EVC: variants seen among roughly 807,000 people sequenced by gnomAD.
The protein encoded by EVC is EvC ciliary complex subunit 1.
EVC carries 116 observed loss-of-function variants against 118.9 expected under a neutral mutation model. The observed-to-expected ratio is 0.98, with a 90% CI of 0.84 to 1.14. The LOEUF is 1.14. Ranked by LOEUF, EVC falls within the 50% of genes most tolerant of loss-of-function variation. The probability of loss-of-function intolerance (pLI) is 0.00; values close to 1 mark genes in which losing one functional copy is unlikely to be tolerated. For missense variants in EVC, 1,401 were observed against 1,246.4 expected (o/e 1.12, Z -1.87); for synonymous variants, 619 against 534.7 (o/e 1.16, Z -2.18).
intron 18 of EVC, among the ~76,000 whole-genome samples, chr4:5,808,666 G>A (rs1716405349): frequency 6.6e-6 from 1 of 152,206 alleles, no homozygotes; most frequent in East Asian, 1.9e-4. Flanking sequence ...CCGGTGTAAT[G>A]GTGACCTCTG....
intron 11 of EVC, among the ~76,000 whole-genome samples, chr4:5,759,611 G>C (rs575983108): frequency 3.3e-4 from 51 of 152,276 alleles, no homozygotes; most frequent in African/African-American, 1.1e-3. Flanking sequence ...CTGTGCATCA[G>C]AATGTCATCA....
chr4:5,737,796 G>C lies in EVC; in HGVS notation c.703-3920G>C, dbSNP rs1727929699. On this transcript the variant is annotated intron_variant, in intron 5 of 20. Coordinates refer to ENST00000264956, the MANE Select transcript of EVC (RefSeq NM_153717.3). The surrounding 1 kb of genome is among the most constrained non-coding windows in gnomAD (Gnocchi z 5.0). ...CTGGTCACCCGAGAGCTCTGATGAAGATGTACAAGGAAGTTAATGTCATTT... is the reference window on the plus strand; with the variant it reads ...CTGGTCACCCGAGAGCTCTGATGAACATGTACAAGGAAGTTAATGTCATTT... Among the ~76,000 whole-genome samples the C allele has an allele frequency of 2.6e-5, 4 of 152,172 alleles. No individual in the cohort carries two copies. Among genetic ancestry groups the C allele is most frequent in the Admixed American group, 2.0e-4 (3 of 15,278 alleles).
rs772185282 is a variant in EVC, at chr4:5,748,291, G to C, written c.1083G>C (p.Gln361His). ...CCGAAGGGCTATTGTGCGATTCTCA[G>C]GAGCTGCAGGCTCTGGTAATGCTGG... is the stretch of plus-strand genomic sequence containing the variant. ...IAAEGLLCDS[Q>H]ELQALDALER... Residue 361 changes from glutamine to histidine, a missense_variant, in exon 8 of 21, where the codon CAG becomes CAC. By Grantham distance (24) the Gln-to-His change is conservative. Coordinates refer to ENST00000264956, the MANE Select transcript of EVC (RefSeq NM_153717.3). 1.2e-6 allele frequency: 2 copies of C among 1,614,144 alleles called. No homozygotes were observed. The highest frequency in any genetic ancestry group is 2.2e-5 in the South Asian group (2 of 91,084).
rs951334006 is a variant in EVC at position 5,729,381 on chromosome 4, G to A, written c.375G>A (p.Gln125=). The A allele has an allele frequency of 5.7e-5, 92 of 1,613,962 alleles. No individual in the cohort carries two copies. Among genetic ancestry groups the A allele is most frequent in the Non-Finnish European group, 7.4e-5 (87 of 1,180,016 alleles). Residue 125 remains glutamine, a synonymous_variant, in exon 3 of 21, where the codon CAG becomes CAA. Coordinates refer to ENST00000264956, the MANE Select transcript of EVC (RefSeq NM_153717.3). ...LKAKVIYPIN[Q]KFRPLADGSS... ...CCAAAGTCATCTACCCCATCAATCA[G>A]AAGTTCCGGGTGAGAGTCCTGAGCT... is the stretch of plus-strand genomic sequence containing the variant.
At chr4:5,828,875 C>T in the EVC span, among the ~76,000 whole-genome samples, 2 of 152,046 alleles carry the variant, frequency 1.3e-5, no homozygotes, top group African/African-American at 2.4e-5. Flanking sequence ...TGTAGGCTGC[C>T]GGTGGCTTTC....
chr4:5,762,338 T>C (rs984658507), intron 11 of EVC, among the ~76,000 whole-genome samples: 1 of 139,488 alleles, frequency 7.2e-6, no homozygotes, highest in African/African-American at 2.7e-5. Context: ...TCTTTGCTAT[T>C]GTGAATAGTG....
At chr4:5,788,416 A>G (rs1160792599) in intron 12 of EVC, among the ~76,000 whole-genome samples, 2 of 152,182 alleles carry the variant, frequency 1.3e-5, no homozygotes, top group Non-Finnish European at 2.9e-5. Context: ...CTGAGAGCCA[A>G]CAGCTTCCAA....
At position 5,729,349 on chromosome 4, in the gene EVC, C is replaced by G. The variant is rs755273705; in HGVS notation, c.343C>G (p.Leu115Val). ...CAACAGCAATATCACAGCATTCGCC[C>G]TGAAGGCCAAAGTCATCTACCCCAT... ...PSNSNITAFA[L>V]KAKVIYPINQ... Residue 115 changes from leucine (L) to valine (V), a missense_variant, in exon 3 of 21, where the codon CTG (leucine) becomes GTG (valine). Leu to Val is a conservative substitution (Grantham distance 32). Transcript: ENST00000264956. 2.5e-6 allele frequency: 4 copies of G among 1,614,138 alleles called. No homozygotes were observed. In the East Asian group the frequency reaches 6.7e-5, roughly 27 times the overall value.
rs1734232128 is a variant in EVC at position 5,773,106 on chromosome 4, TGCGGTAG to T, written c.1564-10444_1564-10438del. On this transcript the variant is annotated intron_variant, in intron 11 of 20. Transcript: ENST00000264956. ...AGTGTCCCTGGCACAGGGCCTTGCCTGCGGTAGGTGCCAGGAGACATTTGCAAAATGA... is the reference window on the plus strand; with the variant it reads ...AGTGTCCCTGGCACAGGGCCTTGCCTGTGCCAGGAGACATTTGCAAAATGA... 4.6e-5 allele frequency among the ~76,000 whole-genome samples: 7 copies of T among 152,308 alleles called. No individual in the cohort carries two copies. In the South Asian group the frequency reaches 1.5e-3, roughly 32 times the overall value.
chr4:5,789,641 C>T lies in EVC; in HGVS notation c.1777-3967C>T, dbSNP rs1248711036. ...AAAGAGTAAAACTTACTTGAGGCCACAAAATGACCTGGTAGCAATGACCAG... is the reference window on the plus strand; with the variant it reads ...AAAGAGTAAAACTTACTTGAGGCCATAAAATGACCTGGTAGCAATGACCAG... On this transcript the variant is annotated intron_variant, in intron 12 of 20. Transcript: ENST00000264956. The surrounding 1 kb of genome is among the most constrained non-coding windows in gnomAD (Gnocchi z 4.3). Among the ~76,000 whole-genome samples, 1 of 152,176 alleles carries T rather than the reference C, an allele frequency of 6.6e-6. No individual in the cohort carries two copies. Among genetic ancestry groups the T allele is most frequent in the Non-Finnish European group, 1.5e-5 (1 of 68,030 alleles).
intron 17 of EVC, among the ~76,000 whole-genome samples, chr4:5,806,617 A>G (rs1309876912): frequency 6.6e-6 from 1 of 152,110 alleles, no homozygotes; most frequent in East Asian, 1.9e-4. Context: ...GGTTGATTCC[A>G]TATCTTTGCT....
chr4:5,746,176 T>C lies in EVC; in HGVS notation c.939+835T>C, dbSNP rs151027979. On this transcript the variant is annotated intron_variant, in intron 7 of 20. Transcript: ENST00000264956. The surrounding 1 kb of genome is among the most constrained non-coding windows in gnomAD (Gnocchi z 5.8). ...GTGTCTTAAGCCAGCGAGATGGGAG[T>C]GTCTATTGCCAGCGAGGTGGGAGTC... Among the ~76,000 whole-genome samples the C allele has an allele frequency of 5.3e-5, 8 of 151,750 alleles. No homozygotes were observed. The East Asian group carries it at 1.6e-3, about 29-fold the overall frequency.
At chr4:5,787,415 A>G (rs1029863581) in intron 12 of EVC, among the ~76,000 whole-genome samples, 12 of 152,214 alleles carry the variant, frequency 7.9e-5, no homozygotes, top group African/African-American at 2.9e-4. Flanking sequence ...CTTATAAGTG[A>G]AAAAGGAGCA....
chr4:5,806,819 T>C (rs937231104), intron 17 of EVC, among the ~76,000 whole-genome samples: 13 of 152,206 alleles, frequency 8.5e-5, no homozygotes, highest in Non-Finnish European at 1.5e-5. Context: ...GCATAAGTGT[T>C]CCCTTTTCTC....
At chr4:5,733,211 G>C in intron 4 of EVC, 140 bp from the exon 5 acceptor site, 1 of 754,630 alleles carries the variant, frequency 1.3e-6, no homozygotes, top group Non-Finnish European at 2.4e-6. Context: ...TGGAGTGAGC[G>C]TAAGGACCTC....
intron 5 of EVC, among the ~76,000 whole-genome samples, chr4:5,740,853 G>A (rs911032105): frequency 7.2e-5 from 11 of 152,190 alleles, no homozygotes; most frequent in Non-Finnish European, 1.3e-4. Context: ...ATGTCATTAA[G>A]CCAGCATGAA....
At chr4:5,805,912 A>G in intron 17 of EVC, among the ~76,000 whole-genome samples, 1 of 65,388 alleles carries the variant, frequency 1.5e-5, no homozygotes, top group Non-Finnish European at 4.0e-5. Flanking sequence ...TTTTTTTTGA[A>G]GGAGTGACAG....
rs759359327 is a variant in EVC at position 5,810,394 on chromosome 4, G to A, written c.2838G>A (p.Leu946=). 2.5e-6 allele frequency: 4 copies of A among 1,613,854 alleles called. No individual in the cohort carries two copies. Among genetic ancestry groups the A allele is most frequent in the Non-Finnish European group, 3.4e-6 (4 of 1,179,960 alleles). ...CCCTGCCCCAGGAAAGAGGGGACCT[G>A]GGGGTGCCCAACAATGAGGACCTTG... ...KKPLPQERGD[L]GVPNNEDLAS... The change falls in exon 20 of 21, where the codon CTG becomes CTA. Residue 946 remains leucine (L), a synonymous_variant. Transcript: ENST00000264956.
In EVC at chr4:5,749,077, T is replaced by C. The variant is rs991256317; in HGVS notation, c.1098+771T>C. 6.6e-6 allele frequency among the ~76,000 whole-genome samples: 1 copy of C among 152,038 alleles called. No homozygotes were observed. The highest frequency in any genetic ancestry group is 1.5e-5 in the Non-Finnish European group (1 of 68,018). On this transcript the variant is annotated intron_variant, in intron 8 of 20. Transcript: ENST00000264956. This position sits in a 1 kb window ranked among gnomAD's most constrained non-coding sequence, Gnocchi z 4.4. ...TAGACAGAGCATTGATTGACTTTCC[T>C]GATTGCCCTGTTTTGCCTGCAGAGT...
Sources: gnomAD v4.1 joint callset for allele counts (sites outside exome capture counted in the v4.1 genomes callset) on GRCh38, gnomAD v4.1.1 for gene constraint, Gnocchi (gnomAD v3.1) non-coding constraint, MANE v1.5 for transcripts, NCBI Gene and HGNC (gene_info 2026-07-23, HGNC 2026-07-21) for gene names.